The following PRPF19 variants were observed in gnomAD, a reference collection of about 807,000 sequenced individuals.
PRPF19 encodes the protein pre-mRNA processing factor 19.
PRPF19 carries 2 observed loss-of-function variants against 64.2 expected under a neutral mutation model. That is an observed-to-expected ratio of 0.03 (90% CI 0.01 to 0.10). The LOEUF is 0.10. PRPF19 is among the 10% of genes least tolerant of loss of function. The pLI, the probability that PRPF19 is intolerant of heterozygous loss-of-function variation, is 1.00. For synonymous variants in PRPF19, 226 were observed against 251.6 expected, an observed-to-expected ratio of 0.90 and a Z score of 0.96; for missense variants, 314 against 650.0, an observed-to-expected ratio of 0.48 and a Z score of 5.62.
rs141274732 is a variant in PRPF19, at chr11:60,898,836, A to G, written c.1054+26T>C. 2 of 1,555,718 alleles carry G rather than the reference A, an allele frequency of 1.3e-6. No individual in the cohort carries two copies. The highest frequency in any genetic ancestry group is 4.0e-5 in the Admixed American group (2 of 49,618). ...ATAAATAATAAACAGCAAACAAAAA[A>G]GCTGAGTGCCTATGAGGCAACTTAC... On this transcript the variant is annotated intron_variant, in intron 12 of 15. Transcript: ENST00000227524. The surrounding 1 kb of genome is among the most constrained non-coding windows in gnomAD (Gnocchi z 4.6).
Position 60,906,522 on chromosome 11 carries a change from C to A in PRPF19, c.-140G>T. 2 of 887,160 alleles carry A rather than the reference C, an allele frequency of 2.3e-6. No individual in the cohort carries two copies. The highest frequency in any genetic ancestry group is 3.4e-6 in the Non-Finnish European group (2 of 593,034). 55.0% of individuals were successfully genotyped at this position (887,160 alleles called of 1,614,324 possible). A position where few individuals can be genotyped will look rare whatever the true frequency, so the allele number is the denominator to read the frequency against. On this transcript the variant is annotated 5_prime_UTR_variant, in exon 1 of 16. Coordinates refer to ENST00000227524, the MANE Select transcript of PRPF19 (RefSeq NM_014502.5). ...GGAGCCGCCAGCCGAGCGATGCTAG[C>A]GTAGCGCTTCACGTGGGAATGGGGA...
intron 15 of PRPF19, among the ~76,000 whole-genome samples, chr11:60,895,937 C>G (rs4939473): frequency 0.33 from 49,557 of 151,990 alleles, 9,070 homozygotes; most frequent in Middle Eastern, 0.4. Context: ...TCATGGTGCC[C>G]CCCCGCCCAA....
At chr11:60,903,032 C>T (rs1468391244) in intron 3 of PRPF19, 151 bp from the exon 4 acceptor site, 19 of 1,354,396 alleles carry the variant, frequency 1.4e-5, no homozygotes, top group African/African-American at 4.4e-5. Flanking sequence ...ACGAATGTGC[C>T]GGCAGACACT....
chr11:60,891,127 A>T lies in PRPF19; in HGVS notation c.*39T>A. On this transcript the variant is annotated 3_prime_UTR_variant, in exon 16 of 16. Coordinates refer to ENST00000227524, the MANE Select transcript of PRPF19 (RefSeq NM_014502.5). The stretch of plus-strand genomic sequence containing the variant: ...CCCCAAACCCTAATTCTACCCCTCT[A>T]CTGAGATGAGGCCCAGCTTCCATCA... 1 of 949,458 alleles carries T rather than the reference A, an allele frequency of 1.1e-6. No individual in the cohort carries two copies. The highest frequency in any genetic ancestry group is 1.5e-6 in the Non-Finnish European group (1 of 682,288). The allele number at this position is 949,458 out of a possible 1,614,324, so 58.8% of individuals were successfully genotyped here.
rs1393269491 is a variant in PRPF19, at chr11:60,898,529, A to G, written c.1140+12T>C. On this transcript the variant is annotated intron_variant, in intron 13 of 15. Transcript: ENST00000227524. This position sits in a 1 kb window ranked among gnomAD's most constrained non-coding sequence, Gnocchi z 4.6. The stretch of plus-strand genomic sequence containing the variant: ...GGCCCTGGGCCTCAGATGGAGGCCT[A>G]CCATGTCCTACCTTCAAGTCCCAGA... 1 of 1,614,028 alleles carries G rather than the reference A, an allele frequency of 6.2e-7. No individual in the cohort carries two copies. The highest frequency in any genetic ancestry group is 1.7e-5 in the Admixed American group (1 of 60,026).
At chr11:60,891,861 G>A (rs1161344863) in intron 15 of PRPF19, among the ~76,000 whole-genome samples, 3 of 152,216 alleles carry the variant, frequency 2.0e-5, no homozygotes, top group Non-Finnish European at 4.4e-5. Flanking sequence ...ACAGTACAGG[G>A]TGAAAACCGG....
Sources: allele counts gnomAD v4.1 joint callset (sites outside exome capture counted in the v4.1 genomes callset), GRCh38; gene constraint gnomAD v4.1.1; non-coding constraint Gnocchi (gnomAD v3.1); transcripts MANE v1.5; gene names NCBI Gene and HGNC (gene_info 2026-07-23, HGNC 2026-07-21).